RARRES1: variants seen among roughly 807,000 people sequenced by gnomAD.
RARRES1 encodes the protein retinoic acid receptor responder protein 1.
A neutral mutation model predicts 30.6 loss-of-function variants in RARRES1; 34 were observed. The observed-to-expected ratio is 1.11, with a 90% CI of 0.84 to 1.48. The LOEUF (loss-of-function observed/expected upper bound fraction) is 1.48. RARRES1 is among the 40% of genes most tolerant of loss of function. The pLI, the probability that RARRES1 is intolerant of heterozygous loss-of-function variation, is 0.00. For synonymous variants in RARRES1, 153 were observed against 155.5 expected (o/e 0.98, Z 0.12); for missense variants, 373 against 386.5 (o/e 0.97, Z 0.29).
intron 4 of RARRES1, among the ~76,000 whole-genome samples, chr3:158,699,819 A>C (rs1178115637): frequency 6.6e-6 from 1 of 152,178 alleles, no homozygotes; most frequent in Non-Finnish European, 1.5e-5. Context: ...CTCTTTCTTA[A>C]GGGAACAGTT....
intron 1 of RARRES1, among the ~76,000 whole-genome samples, chr3:158,717,444 C>G (rs1229284365): frequency 6.6e-6 from 1 of 152,196 alleles, no homozygotes; most frequent in Non-Finnish European, 1.5e-5. Context: ...GAGCTGAACT[C>G]TGAAGATGAA....
chr3:158,724,420 G>A (rs1415261214), intron 1 of RARRES1, among the ~76,000 whole-genome samples: 1 of 152,170 alleles, frequency 6.6e-6, no homozygotes, highest in African/African-American at 2.4e-5. Flanking sequence ...TGGGCACAAT[G>A]TAATCACAAG....
intron 1 of RARRES1, among the ~76,000 whole-genome samples, chr3:158,726,838 G>A (rs1001218072): frequency 6.6e-6 from 1 of 152,220 alleles, no homozygotes; most frequent in Non-Finnish European, 1.5e-5. Context: ...ATGTTGAAAT[G>A]TGCTTTCCAA....
intron 4 of RARRES1, among the ~76,000 whole-genome samples, chr3:158,702,872 T>C (rs1726783984): frequency 6.6e-6 from 1 of 152,214 alleles, no homozygotes; most frequent in Non-Finnish European, 1.5e-5. Context: ...TTCATTTTGA[T>C]AAGTAAAGAC....
intron 4 of RARRES1, among the ~76,000 whole-genome samples, chr3:158,701,465 T>A (rs891909887): frequency 6.6e-6 from 1 of 152,170 alleles, no homozygotes; most frequent in South Asian, 2.1e-4. Flanking sequence ...AAATTAGCCC[T>A]GAGTATCAAG....
At chr3:158,722,372 C>T (rs1727544470) in intron 1 of RARRES1, among the ~76,000 whole-genome samples, 1 of 152,122 alleles carries the variant, frequency 6.6e-6, no homozygotes, top group Non-Finnish European at 1.5e-5. Flanking sequence ...TCTGCACTAT[C>T]TTTACATTAG....
intron 1 of RARRES1, among the ~76,000 whole-genome samples, chr3:158,721,277 A>C (rs1727503327): frequency 6.6e-6 from 1 of 152,144 alleles, no homozygotes; most frequent in African/African-American, 2.4e-5. Flanking sequence ...GGTCTCTTAC[A>C]GGGACTTCAT....
chr3:158,730,064 G>C (rs879902296), intron 1 of RARRES1, among the ~76,000 whole-genome samples: 1 of 151,916 alleles, frequency 6.6e-6, no homozygotes, highest in Non-Finnish European at 1.5e-5. Context: ...GCTCATGCCT[G>C]TAATCCCAGC....
chr3:158,714,606 GT>G (rs1320613750), intron 1 of RARRES1, among the ~76,000 whole-genome samples: 1 of 152,220 alleles, frequency 6.6e-6, no homozygotes, highest in Non-Finnish European at 1.5e-5. Flanking sequence ...AAATGTTAAT[GT>G]TTAGCCTTTA....
intron 3 of RARRES1, among the ~76,000 whole-genome samples, chr3:158,708,069 T>C (rs922295008): frequency 6.6e-6 from 1 of 152,248 alleles, no homozygotes; most frequent in Non-Finnish European, 1.5e-5. Context: ...GACAAGAATA[T>C]CAGCATTTCA....
chr3:158,699,993 A>G (rs1314597856), intron 4 of RARRES1, among the ~76,000 whole-genome samples: 1 of 152,114 alleles, frequency 6.6e-6, no homozygotes, highest in East Asian at 1.9e-4. Flanking sequence ...TGCTGTCTGC[A>G]CTATTTTTCA....
chr3:158,700,776 GGAT>G (rs1441037878), intron 4 of RARRES1, among the ~76,000 whole-genome samples: 1 of 152,112 alleles, frequency 6.6e-6, no homozygotes. Flanking sequence ...TAGCCCAAAT[GGAT>G]GATGATTTGT....
intron 4 of RARRES1, among the ~76,000 whole-genome samples, chr3:158,703,549 C>T (rs1726805713): frequency 6.6e-6 from 1 of 152,134 alleles, no homozygotes; most frequent in Non-Finnish European, 1.5e-5. Flanking sequence ...TTCCTCTCCT[C>T]CCATCCTTTC....
Position 158,704,776 on chromosome 3 carries a change from T to C in RARRES1, c.672+15A>G. On this transcript the variant is annotated intron_variant, in intron 4 of 5. Coordinates refer to ENST00000237696, the MANE Select transcript of RARRES1 (RefSeq NM_206963.2). ...TAACTCTTGTGGCACAAGTTAATTT[T>C]CAGGTTTTTCTTACCCACTGCCTCA... is the stretch of plus-strand genomic sequence containing the variant. 1 of 1,609,086 alleles carries C rather than the reference T, an allele frequency of 6.2e-7. No individual in the cohort carries two copies. Among genetic ancestry groups the C allele is most frequent in the Non-Finnish European group, 8.5e-7 (1 of 1,177,976 alleles).
intron 1 of RARRES1, among the ~76,000 whole-genome samples, chr3:158,714,112 T>A (rs1209323259): frequency 6.6e-6 from 1 of 152,056 alleles, no homozygotes; most frequent in Non-Finnish European, 1.5e-5. Flanking sequence ...CTGGAGTGAC[T>A]TTGTGAGAGC....
intron 1 of RARRES1, among the ~76,000 whole-genome samples, chr3:158,729,741 C>T (rs1039185043): frequency 1.3e-5 from 2 of 152,016 alleles, no homozygotes; most frequent in African/African-American, 2.4e-5. Flanking sequence ...CGTGAGCCAC[C>T]GCGCCCAGCC....
chr3:158,716,379 C>G (rs1727323049), intron 1 of RARRES1, among the ~76,000 whole-genome samples: 1 of 152,072 alleles, frequency 6.6e-6, no homozygotes, highest in Non-Finnish European at 1.5e-5. Flanking sequence ...TGGTTATATG[C>G]TATGCAAAAA....
Position 158,723,120 on chromosome 3 carries a change from T to C in RARRES1, c.276+9020A>G, listed in dbSNP as rs1727570344. Among the ~76,000 whole-genome samples, 1 of 152,126 alleles carries C rather than the reference T, an allele frequency of 6.6e-6. No homozygotes were observed. Among genetic ancestry groups the C allele is most frequent in the Non-Finnish European group, 1.5e-5 (1 of 68,028 alleles). On this transcript the variant is annotated intron_variant, in intron 1 of 5. Coordinates refer to ENST00000237696, the MANE Select transcript of RARRES1 (RefSeq NM_206963.2). The surrounding 1 kb of genome is among the most constrained non-coding windows in gnomAD (Gnocchi z 4.4). ...CTAAGCGCTGGTCCTTCCTGTTGTG[T>C]TAGTGCCGGTTGTGACAACGTTAAT...
intron 1 of RARRES1, among the ~76,000 whole-genome samples, chr3:158,728,498 C>T (rs1173984724): frequency 2.7e-5 from 4 of 148,648 alleles, no homozygotes; most frequent in Admixed American, 6.7e-5. Context: ...AGGGATCAAT[C>T]GTGGTTTCTT....
Sources: gnomAD v4.1 joint callset for allele counts (sites outside exome capture counted in the v4.1 genomes callset) on GRCh38, gnomAD v4.1.1 for gene constraint, Gnocchi (gnomAD v3.1) non-coding constraint, MANE v1.5 for transcripts, NCBI Gene and HGNC (gene_info 2026-07-23, HGNC 2026-07-21) for gene names.